Variants in RBM28 observed in about 807,000 individuals in gnomAD.
RBM28 encodes RNA binding motif protein 28.
In RBM28, 78 loss-of-function variants were observed where a neutral mutation model predicts 98.3. The observed-to-expected ratio is 0.79, with a 90% CI of 0.66 to 0.96. RBM28 has a LOEUF of 0.96. Ranked by LOEUF, RBM28 falls within the 40% of genes least tolerant of loss-of-function variation. The probability of loss-of-function intolerance (pLI) is 0.00; values close to 1 mark genes in which losing one functional copy is unlikely to be tolerated. For synonymous variants in RBM28, 306 were observed against 330.9 expected (o/e 0.92, Z 0.82); for missense variants, 838 against 913.0 (o/e 0.92, Z 1.06).
At chr7:128,317,623 A>C (rs1327714686) in intron 16 of RBM28, 36 bp downstream of exon 16, 1 of 1,442,336 alleles carries the variant, frequency 6.9e-7, no homozygotes, top group South Asian at 1.1e-5. Context: ...AGAAGAGTTT[A>C]TGTCCTTAAA....
chr7:128,319,951 C>T (rs1173082925), intron 14 of RBM28, among the ~76,000 whole-genome samples: 1 of 152,070 alleles, frequency 6.6e-6, no homozygotes, highest in African/African-American at 2.4e-5. Context: ...GGCGAGGTGG[C>T]TCACGCCTGT....
intron 10 of RBM28, among the ~76,000 whole-genome samples, chr7:128,326,602 C>T (rs566690867): frequency 1.3e-5 from 2 of 152,148 alleles, no homozygotes; most frequent in Non-Finnish European, 2.9e-5. Context: ...GTAGGCCATA[C>T]CACCTAGGTT....
chr7:128,311,754 G>A (rs1191555438), intron 18 of RBM28, among the ~76,000 whole-genome samples: 3 of 151,700 alleles, frequency 2.0e-5, no homozygotes, highest in African/African-American at 7.3e-5. Context: ...AACTAACAGA[G>A]AGAGAGAAAA....
intron 10 of RBM28, among the ~76,000 whole-genome samples, chr7:128,327,532 C>T (rs1195108935): frequency 2.6e-5 from 4 of 151,394 alleles, no homozygotes; most frequent in Admixed American, 6.6e-5. Context: ...CGGAGTTTCG[C>T]TCTTGTTGCC....
rs1562942233 is a variant in RBM28 at position 128,299,463 on chromosome 7, A to ACT, written c.*11332_*11333dup. 6.6e-6 allele frequency: 1 copy of ACT among 151,750 alleles called. No homozygotes were observed. Among genetic ancestry groups the ACT allele is most frequent in the Admixed American group, 6.6e-5 (1 of 15,202 alleles). The allele number at this position is 151,750 out of a possible 1,614,324, so 9.4% of individuals were successfully genotyped here. A position where few individuals can be genotyped will look rare whatever the true frequency, so the allele number is the denominator to read the frequency against. ...AAAGGCACGCTCGACCAAGTTGTTTACTCTCTCCCCAAAGTAGCTAGCCCT... is the reference window on the plus strand; with the variant it reads ...AAAGGCACGCTCGACCAAGTTGTTTACTCTCTCTCCCCAAAGTAGCTAGCCCT... On this transcript the variant is annotated 3_prime_UTR_variant, in exon 19 of 19. Coordinates refer to ENST00000223073, the MANE Select transcript of RBM28 (RefSeq NM_018077.3).
rs569044036 is a variant in RBM28, at chr7:128,326,384, G to C, written c.1130-493C>G. Among the ~76,000 whole-genome samples, 4 of 151,872 alleles carry C rather than the reference G, an allele frequency of 2.6e-5. 1 individual carries two copies. In the South Asian group the frequency reaches 8.3e-4, roughly 32 times the overall value. ...GTGACAGACTGCATATACAACAGTGGTCCCAGAAGATTACAATGGATCTGC... is the reference window on the plus strand; with the variant it reads ...GTGACAGACTGCATATACAACAGTGCTCCCAGAAGATTACAATGGATCTGC... On this transcript the variant is annotated intron_variant, in intron 10 of 18. Coordinates refer to ENST00000223073, the MANE Select transcript of RBM28 (RefSeq NM_018077.3).
chr7:128,314,076 C>T (rs1796050939), intron 17 of RBM28, among the ~76,000 whole-genome samples: 1 of 152,152 alleles, frequency 6.6e-6, no homozygotes, highest in South Asian at 2.1e-4. Flanking sequence ...CATTCTCCTG[C>T]CTCAGCCTCC....
chr7:128,341,548 C>T (rs969657771), intron 1 of RBM28, among the ~76,000 whole-genome samples: 18 of 152,138 alleles, frequency 1.2e-4, no homozygotes, highest in African/African-American at 1.7e-4. Flanking sequence ...CCCTCCCTCC[C>T]GTTTCACTGA....
chr7:128,324,509 A>G, intron 12 of RBM28, 50 bp downstream of exon 12: 1 of 1,612,810 alleles, frequency 6.2e-7, no homozygotes, highest in Non-Finnish European at 8.5e-7. Flanking sequence ...ATCAATGATT[A>G]TGGCACAGGG....
chr7:128,311,760 G>C (rs1311447387), intron 18 of RBM28, among the ~76,000 whole-genome samples: 1 of 148,948 alleles, frequency 6.7e-6, no homozygotes, highest in Admixed American at 6.7e-5. Context: ...CAGAGAGAGA[G>C]AAAAAAAAAA....
At chr7:128,320,676 CAT>C (rs1796211860) in intron 14 of RBM28, among the ~76,000 whole-genome samples, 1 of 152,226 alleles carries the variant, frequency 6.6e-6, no homozygotes, top group Non-Finnish European at 1.5e-5. Flanking sequence ...AGAAAATTCA[CAT>C]GATAGCACAA....
chr7:128,324,999 G>C (rs1169058747), intron 11 of RBM28, among the ~76,000 whole-genome samples: 1 of 151,870 alleles, frequency 6.6e-6, no homozygotes, highest in African/African-American at 2.4e-5. Context: ...GACAGAGCGA[G>C]ACTCCACCTC....
intron 9 of RBM28, among the ~76,000 whole-genome samples, chr7:128,332,784 A>G (rs942147828): frequency 5.3e-5 from 8 of 152,212 alleles, no homozygotes; most frequent in African/African-American, 1.9e-4. Flanking sequence ...TGACCTCATA[A>G]AAGCAGCAAT....
chr7:128,334,791 G>C lies in RBM28; in HGVS notation c.946+752C>G, dbSNP rs73230659. Among the ~76,000 whole-genome samples, 9 of 152,304 alleles carry C rather than the reference G, an allele frequency of 5.9e-5. No homozygotes were observed. In the East Asian group the frequency reaches 1.7e-3, roughly 29 times the overall value. ...CCAAATATAATTGTATTTGGAGACA[G>C]AGACTTTAGGGAGGTAACTGAGGCT... On this transcript the variant is annotated intron_variant, in intron 8 of 18. Coordinates refer to ENST00000223073, the MANE Select transcript of RBM28 (RefSeq NM_018077.3).
Position 128,335,867 on chromosome 7 carries a change from C to A in RBM28, c.789G>T (p.Lys263Asn). 1 of 1,614,116 alleles carries A rather than the reference C, an allele frequency of 6.2e-7. No individual in the cohort carries two copies. Among genetic ancestry groups the A allele is most frequent in the Non-Finnish European group, 8.5e-7 (1 of 1,180,020 alleles). The change falls in exon 7 of 19, where the codon AAG (lysine) becomes AAT (asparagine). Residue 263 changes from lysine (K) to asparagine (N), a missense_variant. Lys to Asn is a moderately conservative substitution (Grantham distance 94). Coordinates refer to ENST00000223073, the MANE Select transcript of RBM28 (RefSeq NM_018077.3). Reference sequence around the variant, plus strand: ...CTTACCTCTTCTGAATTTGCACAGGCTTGGTCACCTTTGATTCTATATTCT... The same window carrying A: ...CTTACCTCTTCTGAATTTGCACAGGATTGGTCACCTTTGATTCTATATTCT... The part of the protein sequence containing the change: ...EEENIESKVT[K>N]PVQIQKRAVK...
Position 128,305,252 on chromosome 7 carries a change from T to A in RBM28, c.*5545A>T, listed in dbSNP as rs1795843857. On this transcript the variant is annotated 3_prime_UTR_variant, in exon 19 of 19. Transcript: ENST00000223073. ...CAATGTTCTGGCCCCTCCCTCCACT[T>A]GAGTTGCCAGGTTCTACGACAGGGT... is the stretch of plus-strand genomic sequence containing the variant. 1.3e-5 allele frequency: 2 copies of A among 151,990 alleles called. No individual in the cohort carries two copies. Among genetic ancestry groups the A allele is most frequent in the Non-Finnish European group, 2.9e-5 (2 of 68,020 alleles). 9.4% of individuals were successfully genotyped at this position (151,990 alleles called of 1,614,324 possible). A position where few individuals can be genotyped will look rare whatever the true frequency, so the allele number is the denominator to read the frequency against.
At position 128,317,730 on chromosome 7, in the gene RBM28, G is replaced by T. The variant is rs922052175; in HGVS notation, c.1717C>A (p.Pro573Thr). The T allele has an allele frequency of 6.3e-7, 1 of 1,596,572 alleles. No homozygotes were observed. Among genetic ancestry groups the T allele is most frequent in the Non-Finnish European group, 8.6e-7 (1 of 1,164,366 alleles). ...NPEIFGPLKR[P>T]IVEFSLEDRR... is the part of the protein sequence containing the mutation. ...TCTTCTAAAGAGAACTCCACTATTGGTCTCTGTCAGAGGGAGACAGAATGC... is the reference window on the plus strand; with the variant it reads ...TCTTCTAAAGAGAACTCCACTATTGTTCTCTGTCAGAGGGAGACAGAATGC... The change falls in exon 16 of 19, where the codon CCA (proline) becomes ACA (threonine). Residue 573 changes from proline (P) to threonine (T), a missense_variant. Pro to Thr is a conservative substitution (Grantham distance 38). Transcript: ENST00000223073.
intron 16 of RBM28, among the ~76,000 whole-genome samples, chr7:128,315,688 T>C (rs888173110): frequency 1.3e-4 from 20 of 152,106 alleles, no homozygotes; most frequent in African/African-American, 4.8e-4. Context: ...TGAAGTGAGA[T>C]ATTTAATATT....
chr7:128,324,791 A>G, intron 11 of RBM28, 97 bp from the exon 12 acceptor site: 3 of 1,532,718 alleles, frequency 2.0e-6, no homozygotes, highest in Non-Finnish European at 9.0e-7. Context: ...AGGCAGGTGG[A>G]TCACCTGAGG....
Sources: allele counts gnomAD v4.1 joint callset (sites outside exome capture counted in the v4.1 genomes callset), GRCh38; gene constraint gnomAD v4.1.1; transcripts MANE v1.5; gene names NCBI Gene and HGNC (gene_info 2026-07-23, HGNC 2026-07-21).